Variants in PCNX1 observed in about 807,000 individuals in gnomAD.
PCNX1 encodes pecanex-like protein 1.
Under a neutral mutation model 242.2 loss-of-function variants are expected in PCNX1, and 78 were observed. That is an observed-to-expected ratio of 0.32 (90% confidence interval 0.27 to 0.39). PCNX1 has a LOEUF of 0.39. Ranked by LOEUF, PCNX1 falls within the 10% of genes least tolerant of loss-of-function variation. The pLI, the probability that PCNX1 is intolerant of heterozygous loss-of-function variation, is 1.00. For synonymous variants in PCNX1, 1,024 were observed against 1,032.9 expected, an observed-to-expected ratio of 0.99 and a Z score of 0.17; for missense variants, 2,581 against 2,856.5, an observed-to-expected ratio of 0.90 and a Z score of 2.20.
intron 24 of PCNX1, chr14:71,053,334 A>G (rs1322947159): frequency 2.2e-6 from 1 of 448,202 alleles, no homozygotes; most frequent in Non-Finnish European, 4.4e-6. Context: ...GTGCAATGAC[A>G]CAATCTCGAC....
chr14:71,049,635 C>T (rs772489300), intron 22 of PCNX1, among the ~76,000 whole-genome samples: 1 of 152,114 alleles, frequency 6.6e-6, no homozygotes, highest in Non-Finnish European at 1.5e-5. Flanking sequence ...CTTTTACTTA[C>T]CATGATCCTG....
intron 30 of PCNX1, among the ~76,000 whole-genome samples, chr14:71,098,166 C>T (rs939728818): frequency 7.2e-5 from 11 of 152,250 alleles, no homozygotes; most frequent in South Asian, 6.2e-4. Context: ...TTACCAGTAC[C>T]GTGCTATTTT....
At chr14:70,970,830 A>G (rs2140033979) in intron 5 of PCNX1, among the ~76,000 whole-genome samples, 1 of 152,348 alleles carries the variant, frequency 6.6e-6, no homozygotes, top group East Asian at 1.9e-4. Flanking sequence ...TTGGTTTATA[A>G]AAACAAGTTT....
At chr14:70,952,973 A>G (rs2057845514) in intron 2 of PCNX1, among the ~76,000 whole-genome samples, 1 of 152,166 alleles carries the variant, frequency 6.6e-6, no homozygotes, top group African/African-American at 2.4e-5. Context: ...TTGGGATTTA[A>G]AAGAAGAAAA....
intron 1 of PCNX1, among the ~76,000 whole-genome samples, chr14:70,911,764 C>G (rs1409800405): frequency 6.6e-6 from 1 of 152,038 alleles, no homozygotes; most frequent in Non-Finnish European, 1.5e-5. Flanking sequence ...AATTATTTAC[C>G]TTCAGAATGG....
At chr14:71,106,764 A>G (rs1048662042) in intron 33 of PCNX1, among the ~76,000 whole-genome samples, 10 of 152,080 alleles carry the variant, frequency 6.6e-5, no homozygotes, top group African/African-American at 2.4e-4. Context: ...TAAAGTGCCT[A>G]GTTACATCTT....
chr14:70,924,864 A>G (rs1282974674), intron 1 of PCNX1, among the ~76,000 whole-genome samples: 1 of 151,938 alleles, frequency 6.6e-6, no homozygotes, highest in Admixed American at 6.6e-5. Flanking sequence ...GCTTGTTGGG[A>G]TTACAGGCAT....
At chr14:71,107,156 T>A (rs2062647581) in intron 33 of PCNX1, among the ~76,000 whole-genome samples, 1 of 152,080 alleles carries the variant, frequency 6.6e-6, no homozygotes, top group African/African-American at 2.4e-5. Flanking sequence ...TATGAAGAAG[T>A]TGATCCTCTC....
At position 71,044,989 on chromosome 14, in the gene PCNX1, G is replaced by A. The variant is rs948762814; in HGVS notation, c.3868-144G>A. 8.8e-5 allele frequency: 53 copies of A among 601,564 alleles called. No individual in the cohort carries two copies. The African/African-American group carries it at 9.1e-4, about 10-fold the overall frequency. 37.3% of individuals were successfully genotyped at this position (601,564 alleles called of 1,614,324 possible). A position where few individuals can be genotyped will look rare whatever the true frequency, so the allele number is the denominator to read the frequency against. On this transcript the variant is annotated intron_variant, in intron 19 of 35. Transcript: ENST00000304743. Reference sequence around the variant, plus strand: ...AGAACAAACTACATAATTTAGAAATGTTAACTGTAGAAAAATGTTTAGTTC... The same window carrying A: ...AGAACAAACTACATAATTTAGAAATATTAACTGTAGAAAAATGTTTAGTTC...
chr14:70,948,599 G>A (rs543385941), intron 2 of PCNX1, among the ~76,000 whole-genome samples: 2 of 142,218 alleles, frequency 1.4e-5, no homozygotes, highest in Non-Finnish European at 3.2e-5. Context: ...ATATAGATAT[G>A]TGTATATATA....
intron 10 of PCNX1, chr14:71,012,755 C>CG (rs2059856202): frequency 1.2e-5 from 5 of 425,192 alleles, no homozygotes; most frequent in South Asian, 1.2e-4. Flanking sequence ...TTGCTTGAAC[C>CG]GGGGAGGCAG....
chr14:71,107,466 T>C (rs533048117), intron 33 of PCNX1, among the ~76,000 whole-genome samples: 1 of 152,286 alleles, frequency 6.6e-6, no homozygotes, highest in Admixed American at 6.5e-5. Context: ...AAACTTTCAG[T>C]GTTCTTTAAA....
chr14:70,932,084 G>A (rs1445666877), intron 1 of PCNX1, among the ~76,000 whole-genome samples: 1 of 152,180 alleles, frequency 6.6e-6, no homozygotes, highest in Non-Finnish European at 1.5e-5. Flanking sequence ...CCGAGATCGC[G>A]CCATTGCACT....
At chr14:70,948,333 T>G (rs1266838080) in intron 2 of PCNX1, among the ~76,000 whole-genome samples, 2 of 152,146 alleles carry the variant, frequency 1.3e-5, no homozygotes, top group African/African-American at 4.8e-5. Flanking sequence ...CAGCCAGTTT[T>G]AAATTTCTCT....
chr14:71,027,017 TTGAAGAC>T (rs1023347371), intron 15 of PCNX1, 135 bp downstream of exon 15: 101 of 482,188 alleles, frequency 2.1e-4, no homozygotes, highest in African/African-American at 1.8e-3. Context: ...CATTAAGTGA[TTGAAGAC>T]TGAGAAGCAA....
At chr14:71,086,435 C>T (rs927493618) in intron 28 of PCNX1, among the ~76,000 whole-genome samples, 15 of 152,118 alleles carry the variant, frequency 9.9e-5, no homozygotes, top group African/African-American at 3.6e-4. Flanking sequence ...TTTCTGTATT[C>T]CTGTAAATAA....
chr14:70,973,989 C>T (rs569958769), intron 5 of PCNX1, among the ~76,000 whole-genome samples: 2 of 151,996 alleles, frequency 1.3e-5, no homozygotes, highest in South Asian at 4.2e-4. Context: ...TTCAAGCAGC[C>T]CCTGACAACC....
At chr14:71,033,828 A>G (rs539237306) in intron 17 of PCNX1, 103 bp from the exon 18 acceptor site, 8 of 685,934 alleles carry the variant, frequency 1.2e-5, no homozygotes, top group African/African-American at 3.7e-5. Flanking sequence ...ATGATTAAAT[A>G]TACTCGAATC....
chr14:70,907,865 G>T lies in PCNX1; in HGVS notation c.15G>T (p.Thr5=). 1.4e-6 allele frequency: 2 copies of T among 1,445,866 alleles called. No homozygotes were observed. Among genetic ancestry groups the T allele is most frequent in the Non-Finnish European group, 1.8e-6 (2 of 1,095,186 alleles). The allele number at this position is 1,445,866 out of a possible 1,614,324, so 89.6% of individuals were successfully genotyped here. Residue 5 remains threonine, a synonymous_variant, in exon 1 of 36, where the codon ACG becomes ACT. Coordinates refer to ENST00000304743, the MANE Select transcript of PCNX1 (RefSeq NM_014982.3). The part of the protein sequence containing the change: MGSQ[T]LQILRQGVWA... ...GCCGGGTGGGGATGGGGTCGCAGAC[G>T]CTGCAGATCCTCCGACAGGGGGTGT...
Sources: allele counts gnomAD v4.1 joint callset (sites outside exome capture counted in the v4.1 genomes callset), GRCh38; gene constraint gnomAD v4.1.1; transcripts MANE v1.5; gene names NCBI Gene and HGNC (gene_info 2026-07-23, HGNC 2026-07-21).